CDH13: variants seen among roughly 807,000 people sequenced by gnomAD.
CDH13 encodes cadherin 13.
In CDH13, 24 loss-of-function variants were observed where a neutral mutation model predicts 63.8. The ratio of observed to expected loss-of-function variants is 0.38; its 90% CI spans 0.27 to 0.53. The LOEUF (loss-of-function observed/expected upper bound fraction) is 0.53, where lower values mean the gene tolerates loss of function less well. Among genes scored for constraint, CDH13 ranks in the 20% least tolerant of loss-of-function variants. The pLI is 0.85. For synonymous variants in CDH13, 503 were observed against 355.3 expected (o/e 1.42, Z -4.67); for missense variants, 1,049 against 903.1 (o/e 1.16, Z -2.07).
chr16:82,832,399 C>T (rs571683519), intron 1 of CDH13, among the ~76,000 whole-genome samples: 1 of 152,038 alleles, frequency 6.6e-6, no homozygotes, highest in African/African-American at 2.4e-5. Context: ...TAGGTACTTA[C>T]GACTTAGGTG....
At chr16:83,634,096 C>G (rs1911021587) in intron 8 of CDH13, among the ~76,000 whole-genome samples, 1 of 149,670 alleles carries the variant, frequency 6.7e-6, no homozygotes, top group South Asian at 2.2e-4. Context: ...CACGAAGTCT[C>G]CACCCATTTT....
intron 7 of CDH13, among the ~76,000 whole-genome samples, chr16:83,581,365 A>G (rs990927094): frequency 1.3e-5 from 2 of 152,214 alleles, no homozygotes; most frequent in African/African-American, 2.4e-5. Flanking sequence ...TGGTTATTTA[A>G]TATTTCAGAC....
chr16:83,342,095 A>C (rs1459288569), intron 5 of CDH13, among the ~76,000 whole-genome samples: 1 of 151,702 alleles, frequency 6.6e-6, no homozygotes, highest in African/African-American at 2.4e-5. Context: ...TAATATGGTA[A>C]CTACTACCTG....
chr16:82,871,653 AAC>A (rs34750942), intron 2 of CDH13, among the ~76,000 whole-genome samples: 35,417 of 152,012 alleles, frequency 0.23, 5,492 homozygotes, highest in Non-Finnish European at 0.34. Flanking sequence ...AATCAACAGT[AAC>A]ACAACTCCAA....
At chr16:83,679,929 G>A (rs1915268363) in intron 10 of CDH13, among the ~76,000 whole-genome samples, 1 of 152,208 alleles carries the variant, frequency 6.6e-6, no homozygotes, top group African/African-American at 2.4e-5. Flanking sequence ...GCAATGGGTA[G>A]GGGTGGATGG....
At chr16:83,478,329 A>C (rs963381083) in intron 6 of CDH13, among the ~76,000 whole-genome samples, 1 of 152,132 alleles carries the variant, frequency 6.6e-6, no homozygotes, top group Non-Finnish European at 1.5e-5. Flanking sequence ...ACTCATGTGA[A>C]GCTACCTGTA....
chr16:83,005,750 T>G (rs866095905), intron 2 of CDH13, among the ~76,000 whole-genome samples: 1 of 152,250 alleles, frequency 6.6e-6, no homozygotes, highest in African/African-American at 2.4e-5. Flanking sequence ...TTGTTTCTTT[T>G]GCTTTGTTTT....
intron 7 of CDH13, among the ~76,000 whole-genome samples, chr16:83,570,841 T>TTATATAAAATATAAAAA: frequency 4.0e-5 from 2 of 50,076 alleles, no homozygotes. Context: ...AATTTATATT[T>TTATATAAAATATAAAAA]TTATATATAT....
At chr16:83,099,785 T>C (rs553921466) in intron 3 of CDH13, among the ~76,000 whole-genome samples, 63 of 152,228 alleles carry the variant, frequency 4.1e-4, no homozygotes, top group South Asian at 2.3e-3. Flanking sequence ...AAAGGCTGTT[T>C]TGAGTATTAA....
chr16:83,125,836 G>A (rs183071248), intron 4 of CDH13, among the ~76,000 whole-genome samples: 10 of 152,146 alleles, frequency 6.6e-5, no homozygotes, highest in African/African-American at 1.2e-4. Flanking sequence ...TAGGATGGTA[G>A]TATGTTGACA....
chr16:82,642,777 G>C (rs1369773636), intron 1 of CDH13, among the ~76,000 whole-genome samples: 2 of 152,194 alleles, frequency 1.3e-5, no homozygotes, highest in African/African-American at 2.4e-5. Flanking sequence ...TGGTGTGAGT[G>C]CTTCAGATGC....
chr16:83,680,601 C>G (rs984616742), intron 10 of CDH13, among the ~76,000 whole-genome samples: 4 of 152,122 alleles, frequency 2.6e-5, no homozygotes, highest in Non-Finnish European at 5.9e-5. Context: ...GGACTTCATC[C>G]TACCGCTGTG....
intron 5 of CDH13, among the ~76,000 whole-genome samples, chr16:83,330,202 T>G (rs1403950587): frequency 1.3e-5 from 2 of 152,120 alleles, no homozygotes; most frequent in Non-Finnish European, 2.9e-5. Flanking sequence ...CACATACACA[T>G]GTAAACACAC....
At chr16:83,015,946 C>T (rs920924257) in intron 2 of CDH13, among the ~76,000 whole-genome samples, 1 of 151,706 alleles carries the variant, frequency 6.6e-6, no homozygotes, top group African/African-American at 2.4e-5. Flanking sequence ...TGGAAAGCAG[C>T]ACAAAAGCCT....
At chr16:83,710,971 C>T (rs890784448) in intron 10 of CDH13, among the ~76,000 whole-genome samples, 4 of 152,206 alleles carry the variant, frequency 2.6e-5, no homozygotes, top group African/African-American at 4.8e-5. Context: ...CAAAATTCTA[C>T]AGGCATACTG....
intron 6 of CDH13, among the ~76,000 whole-genome samples, chr16:83,431,494 C>G (rs1271124928): frequency 6.6e-6 from 1 of 151,968 alleles, no homozygotes; most frequent in East Asian, 1.9e-4. Context: ...TCTTGCATGG[C>G]TATAACTAAC....
chr16:83,434,626 C>G (rs749429756), intron 6 of CDH13, among the ~76,000 whole-genome samples: 1 of 151,896 alleles, frequency 6.6e-6, no homozygotes, highest in Non-Finnish European at 1.5e-5. Context: ...CAGTGAGATA[C>G]CAATCAGTAA....
chr16:83,479,830 C>A (rs2073711952), intron 6 of CDH13, among the ~76,000 whole-genome samples: 1 of 152,178 alleles, frequency 6.6e-6, no homozygotes, highest in African/African-American at 2.4e-5. Flanking sequence ...ATGGCTTGTG[C>A]CCTGCAAGGG....
intron 4 of CDH13, 147 bp downstream of exon 4, chr16:83,125,648 T>C: frequency 1.9e-6 from 1 of 538,698 alleles, no homozygotes; most frequent in Non-Finnish European, 3.3e-6. Flanking sequence ...ATGAAAAGAA[T>C]GTTGGAAGAT....
Sources: gnomAD v4.1 joint callset for allele counts (sites outside exome capture counted in the v4.1 genomes callset) on GRCh38, gnomAD v4.1.1 for gene constraint, MANE v1.5 for transcripts, NCBI Gene and HGNC (gene_info 2026-07-23, HGNC 2026-07-21) for gene names.